The following DTNA variants were observed in gnomAD, a reference collection of about 807,000 sequenced individuals.
DTNA encodes the protein dystrobrevin alpha.
DTNA carries 43 observed loss-of-function variants against 100.7 expected under a neutral mutation model. The ratio of observed to expected loss-of-function variants is 0.43; its 90% CI spans 0.33 to 0.55. The LOEUF is 0.55. Among genes scored for constraint, DTNA ranks in the 20% least tolerant of loss-of-function variants. The pLI is 0.04. For synonymous variants in DTNA, 349 were observed against 347.9 expected, an observed-to-expected ratio of 1.00 and a Z score of -0.04; for missense variants, 798 against 953.9, an observed-to-expected ratio of 0.84 and a Z score of 2.15.
chr18:34,690,224 C>T (rs1309616830), intron 1 of DTNA, among the ~76,000 whole-genome samples: 1 of 152,202 alleles, frequency 6.6e-6, no homozygotes, highest in Non-Finnish European at 1.5e-5. Flanking sequence ...AGCTTGGTGT[C>T]TTCCCAAATG....
chr18:34,620,122 A>C (rs2056174715), intron 1 of DTNA, among the ~76,000 whole-genome samples: 1 of 152,180 alleles, frequency 6.6e-6, no homozygotes. Flanking sequence ...CAGAGGTCAG[A>C]GACAGTCTTA....
chr18:34,663,917 T>C (rs1352673092), intron 1 of DTNA, among the ~76,000 whole-genome samples: 1 of 152,224 alleles, frequency 6.6e-6, no homozygotes, highest in Non-Finnish European at 1.5e-5. Flanking sequence ...TAGACTATTT[T>C]GTCATAAAAT....
At chr18:34,617,259 G>A (rs1470172714) in intron 1 of DTNA, among the ~76,000 whole-genome samples, 2 of 152,168 alleles carry the variant, frequency 1.3e-5, no homozygotes, top group Admixed American at 1.3e-4. Flanking sequence ...CTGTGGGTTT[G>A]TTATAGATGG....
chr18:34,821,312 C>T (rs1252918417), intron 9 of DTNA, among the ~76,000 whole-genome samples: 3 of 152,174 alleles, frequency 2.0e-5, no homozygotes, highest in African/African-American at 7.2e-5. Context: ...TTTTATTTCT[C>T]TGCAGACCCA....
chr18:34,773,908 G>T (rs2093912430), intron 3 of DTNA, among the ~76,000 whole-genome samples: 1 of 152,114 alleles, frequency 6.6e-6, no homozygotes, highest in South Asian at 2.1e-4. Flanking sequence ...TTGTTTCCTT[G>T]TTAGTAGACT....
At chr18:34,816,761 A>G (rs2095606606) in intron 7 of DTNA, among the ~76,000 whole-genome samples, 2 of 152,208 alleles carry the variant, frequency 1.3e-5, no homozygotes, top group South Asian at 4.1e-4. Flanking sequence ...AAGTCTCTAT[A>G]TATTACTCAA....
chr18:34,509,623 A>G (rs1180676027), intron 1 of DTNA, among the ~76,000 whole-genome samples: 3 of 152,176 alleles, frequency 2.0e-5, no homozygotes, highest in Non-Finnish European at 4.4e-5. Flanking sequence ...AATTTGATCA[A>G]AATATGAATC....
chr18:34,742,114 C>T (rs2090759031), intron 1 of DTNA, among the ~76,000 whole-genome samples: 1 of 152,132 alleles, frequency 6.6e-6, no homozygotes, highest in Non-Finnish European at 1.5e-5. Context: ...AGCCTGATGG[C>T]TAGGAAGCCT....
At chr18:34,568,320 C>T (rs1215653478) in intron 1 of DTNA, among the ~76,000 whole-genome samples, 5 of 152,050 alleles carry the variant, frequency 3.3e-5, no homozygotes, top group South Asian at 2.1e-4. Flanking sequence ...GGCATTCTGG[C>T]GTTAAAAATT....
Position 34,766,060 on chromosome 18 carries a change from T to C in DTNA, c.148+19T>C. 2 of 1,612,328 alleles carry C rather than the reference T, an allele frequency of 1.2e-6. No homozygotes were observed. The highest frequency in any genetic ancestry group is 1.3e-5 in the African/African-American group (1 of 75,002). ...TGCAATTGTAAGTATGCCAGTTGTTTGGACTAATTACCATCATGAATCCTA... is the reference window on the plus strand; with the variant it reads ...TGCAATTGTAAGTATGCCAGTTGTTCGGACTAATTACCATCATGAATCCTA... On this transcript the variant is annotated intron_variant, in intron 3 of 22. Coordinates refer to ENST00000444659, the MANE Select transcript of DTNA (RefSeq NM_001386795.1).
chr18:34,496,263 CTTTAT>C (rs1264560782), intron 1 of DTNA, among the ~76,000 whole-genome samples: 84 of 144,252 alleles, frequency 5.8e-4, no homozygotes, highest in African/African-American at 2.0e-3. Flanking sequence ...ATGGCTACAT[CTTTAT>C]TTTGGGATGC....
At position 34,890,301 on chromosome 18, in the gene DTNA, T is replaced by C. The variant is rs2150525290; in HGVS notation, c.*2567T>C. ...CCAGCCACCTTTTCTCTCTCTTAGCTCCACGTCAGCACTGAGACCAGACTC... is the reference window on the plus strand; with the variant it reads ...CCAGCCACCTTTTCTCTCTCTTAGCCCCACGTCAGCACTGAGACCAGACTC... On this transcript the variant is annotated 3_prime_UTR_variant, in exon 23 of 23. Coordinates refer to ENST00000444659, the MANE Select transcript of DTNA (RefSeq NM_001386795.1). 6.5e-7 allele frequency: 1 copy of C among 1,535,718 alleles called. No homozygotes were observed. Among genetic ancestry groups the C allele is most frequent in the East Asian group, 2.4e-5 (1 of 40,920 alleles).
chr18:34,740,579 A>G (rs1418335823), intron 1 of DTNA, among the ~76,000 whole-genome samples: 1 of 152,126 alleles, frequency 6.6e-6, no homozygotes, highest in African/African-American at 2.4e-5. Flanking sequence ...TCCCAATCCC[A>G]AGAGTTTTGA....
chr18:34,625,567 A>C (rs1209926114), intron 1 of DTNA, among the ~76,000 whole-genome samples: 1 of 152,228 alleles, frequency 6.6e-6, no homozygotes, highest in African/African-American at 2.4e-5. Context: ...CCTTTGGGAA[A>C]CTTATCTTCT....
intron 3 of DTNA, among the ~76,000 whole-genome samples, chr18:34,793,425 C>T (rs1430688591): frequency 1.3e-5 from 2 of 152,166 alleles, no homozygotes; most frequent in Non-Finnish European, 2.9e-5. Flanking sequence ...TGATGTGTGA[C>T]TTAGTTCTGC....
At chr18:34,799,006 G>A (rs2095102972) in intron 4 of DTNA, among the ~76,000 whole-genome samples, 1 of 152,026 alleles carries the variant, frequency 6.6e-6, no homozygotes, top group Admixed American at 6.5e-5. Flanking sequence ...TTTTCTCCCA[G>A]ACTTGTTTTG....
At chr18:34,861,440 C>T (rs1274808709) in intron 16 of DTNA, among the ~76,000 whole-genome samples, 2 of 131,262 alleles carry the variant, frequency 1.5e-5, no homozygotes, top group East Asian at 5.2e-4. Context: ...GAGCCGAGAT[C>T]ACGCCACTGC....
intron 1 of DTNA, among the ~76,000 whole-genome samples, chr18:34,699,157 G>T (rs943539909): frequency 1.1e-4 from 16 of 149,498 alleles, no homozygotes; most frequent in Admixed American, 7.9e-4. Flanking sequence ...GTACTCACAT[G>T]TGCACACACA....
intron 2 of DTNA, among the ~76,000 whole-genome samples, chr18:34,758,728 T>G (rs891065554): frequency 1.9e-4 from 29 of 152,180 alleles, no homozygotes; most frequent in Middle Eastern, 3.4e-3. Flanking sequence ...GAGAAAGAAT[T>G]TACAATGAAA....
Sources: gnomAD v4.1 joint callset for allele counts (sites outside exome capture counted in the v4.1 genomes callset) on GRCh38, gnomAD v4.1.1 for gene constraint, MANE v1.5 for transcripts, NCBI Gene and HGNC (gene_info 2026-07-23, HGNC 2026-07-21) for gene names.